PRDM11: variants seen among roughly 807,000 people sequenced by gnomAD.
PRDM11 encodes PR/SET domain 11, also known as PR domain-containing protein 11.
PRDM11 carries 20 observed loss-of-function variants against 97.8 expected under a neutral mutation model. The ratio of observed to expected loss-of-function variants is 0.20; its 90% confidence interval spans 0.14 to 0.30. The LOEUF is 0.30. Ranked by LOEUF, PRDM11 falls within the 10% of genes least tolerant of loss-of-function variation. PRDM11 has a pLI of 1.00. For synonymous variants in PRDM11, 599 were observed against 637.7 expected (o/e 0.94, Z 0.91); for missense variants, 1,139 against 1,555.2 (o/e 0.73, Z 4.50).
At chr11:45,114,077 C>T (rs911090851) in intron 1 of PRDM11, among the ~76,000 whole-genome samples, 3 of 152,054 alleles carry the variant, frequency 2.0e-5, no homozygotes, top group Admixed American at 2.0e-4. Context: ...TAAAAATGGG[C>T]ATCCTTGTCC....
intron 1 of PRDM11, among the ~76,000 whole-genome samples, chr11:45,154,160 G>T (rs1851731225): frequency 6.6e-6 from 1 of 152,006 alleles, no homozygotes; most frequent in African/African-American, 2.4e-5. Flanking sequence ...TTTGAGACCA[G>T]CCTGGGCAAC....
chr11:45,125,932 C>T (rs1852559548), intron 1 of PRDM11, among the ~76,000 whole-genome samples: 1 of 152,184 alleles, frequency 6.6e-6, no homozygotes, highest in Non-Finnish European at 1.5e-5. Flanking sequence ...CTAATGTTGA[C>T]AGTGAGGTGT....
chr11:45,210,007 C>A (rs974126429), intron 5 of PRDM11, among the ~76,000 whole-genome samples: 6 of 152,146 alleles, frequency 3.9e-5, no homozygotes, highest in Non-Finnish European at 8.8e-5. Context: ...ATCAGGAAGG[C>A]GCTTGGCACG....
At chr11:45,125,439 C>A (rs1852544039) in intron 1 of PRDM11, among the ~76,000 whole-genome samples, 1 of 152,116 alleles carries the variant, frequency 6.6e-6, no homozygotes, top group Non-Finnish European at 1.5e-5. Context: ...GTTAGGGTGT[C>A]AATTTTGGAT....
chr11:45,101,417 A>G (rs1480564579), intron 1 of PRDM11, among the ~76,000 whole-genome samples: 4 of 152,090 alleles, frequency 2.6e-5, no homozygotes, highest in African/African-American at 7.2e-5. Context: ...TTAGCTGGGC[A>G]TGGTGGTCTG....
intron 5 of PRDM11, chr11:45,209,290 C>G: frequency 2.8e-6 from 1 of 363,008 alleles, no homozygotes; most frequent in South Asian, 2.0e-5. Flanking sequence ...AGCCCTTCGA[C>G]CAGCTGTGAG....
intron 1 of PRDM11, among the ~76,000 whole-genome samples, chr11:45,163,763 A>C (rs1191075738): frequency 6.6e-6 from 1 of 152,230 alleles, no homozygotes; most frequent in Non-Finnish European, 1.5e-5. Flanking sequence ...TCCCATAAGA[A>C]GGAGCTGCAG....
At chr11:45,205,701 G>A (rs908799862) in intron 5 of PRDM11, among the ~76,000 whole-genome samples, 7 of 152,182 alleles carry the variant, frequency 4.6e-5, no homozygotes, top group African/African-American at 1.7e-4. Context: ...TCCTAAAAAG[G>A]AGTGTGCTGT....
At chr11:45,216,474 C>T (rs1853960585) in intron 5 of PRDM11, among the ~76,000 whole-genome samples, 1 of 152,098 alleles carries the variant, frequency 6.6e-6, no homozygotes. Context: ...CAGAAGGGTT[C>T]TGGGGGGTGG....
At chr11:45,164,889 A>C (rs1289986519) in intron 1 of PRDM11, among the ~76,000 whole-genome samples, 1 of 152,100 alleles carries the variant, frequency 6.6e-6, no homozygotes, top group Non-Finnish European at 1.5e-5. Flanking sequence ...CAAAGGCCTC[A>C]TTGTGCAGAT....
chr11:45,172,645 T>A (rs574860195), intron 1 of PRDM11, among the ~76,000 whole-genome samples: 1 of 152,284 alleles, frequency 6.6e-6, no homozygotes, highest in Admixed American at 6.5e-5. Context: ...GACTTTCTCC[T>A]TGTGATTATT....
chr11:45,212,673 G>A (rs1258508023), intron 5 of PRDM11: 22 of 455,962 alleles, frequency 4.8e-5, no homozygotes, highest in Non-Finnish European at 8.4e-5. Flanking sequence ...AGGACCCCTC[G>A]GCCGCACCCC....
intron 1 of PRDM11, among the ~76,000 whole-genome samples, chr11:45,102,820 A>G (rs538560148): frequency 1.3e-5 from 2 of 152,342 alleles, no homozygotes; most frequent in Admixed American, 6.5e-5. Flanking sequence ...TAATCAGTTC[A>G]ATGCCAGAGC....
Position 45,229,740 on chromosome 11 carries a change from G to A in PRDM11, c.*1581G>A, listed in dbSNP as rs1488609007. 4 of 152,154 alleles carry A rather than the reference G, an allele frequency of 2.6e-5. No individual in the cohort carries two copies. Among genetic ancestry groups the A allele is most frequent in the African/African-American group, 4.8e-5 (2 of 41,424 alleles). 9.4% of individuals were successfully genotyped at this position (152,154 alleles called of 1,614,324 possible). A position where few individuals can be genotyped will look rare whatever the true frequency, so the allele number is the denominator to read the frequency against. On this transcript the variant is annotated 3_prime_UTR_variant, in exon 8 of 8. Coordinates refer to ENST00000683152, the MANE Select transcript of PRDM11 (RefSeq NM_001384648.1). ...ATTTTATATGCAGAGATCCTATCAC[G>A]TGGATGCAGGTCATTTTGGGGGAGG...
chr11:45,175,234 A>G (rs1165238922), intron 1 of PRDM11, among the ~76,000 whole-genome samples: 3 of 152,186 alleles, frequency 2.0e-5, no homozygotes, highest in African/African-American at 7.2e-5. Flanking sequence ...TGTGCCTTCC[A>G]TTGTAGTATC....
intron 4 of PRDM11, among the ~76,000 whole-genome samples, chr11:45,187,581 G>T (rs1226544017): frequency 6.6e-6 from 1 of 152,210 alleles, no homozygotes. Context: ...CAGTTCAGGA[G>T]GTGGGACTGG....
At position 45,150,399 on chromosome 11, in the gene PRDM11, A is replaced by G. The variant is rs532787623; in HGVS notation, c.-7+3522A>G. On this transcript the variant is annotated intron_variant, in intron 1 of 7. Transcript: ENST00000683152. Reference sequence around the variant, plus strand: ...ATCAGACTCTACCAGGGTTGCTTTGAGTGTGCTGTTGGGTTTGCACTTGAG... The same window carrying G: ...ATCAGACTCTACCAGGGTTGCTTTGGGTGTGCTGTTGGGTTTGCACTTGAG... 7.2e-5 allele frequency among the ~76,000 whole-genome samples: 11 copies of G among 152,242 alleles called. 1 individual carries two copies. The highest frequency in any genetic ancestry group is 7.2e-4 in the Admixed American group (11 of 15,308).
intron 1 of PRDM11, among the ~76,000 whole-genome samples, chr11:45,106,256 C>T (rs1427021870): frequency 6.6e-6 from 1 of 152,144 alleles, no homozygotes; most frequent in Non-Finnish European, 1.5e-5. Flanking sequence ...CAGCAGTTTA[C>T]ACCCCGTTGG....
chr11:45,157,183 A>T (rs144751568), intron 1 of PRDM11, among the ~76,000 whole-genome samples: 2 of 152,162 alleles, frequency 1.3e-5, no homozygotes, highest in African/African-American at 4.8e-5. Flanking sequence ...GTGGTCTCCA[A>T]CCTTTGGGGC....
Sources: gnomAD v4.1 joint callset for allele counts (sites outside exome capture counted in the v4.1 genomes callset) on GRCh38, gnomAD v4.1.1 for gene constraint, MANE v1.5 for transcripts, NCBI Gene and HGNC (gene_info 2026-07-23, HGNC 2026-07-21) for gene names.